The following SLC22A15 variants were observed in gnomAD, a reference collection of about 807,000 sequenced individuals.
SLC22A15 encodes solute carrier family 22 member 15, also known as flipt 1.
In SLC22A15, 45 loss-of-function variants were observed where a neutral mutation model predicts 62.7. That is an observed-to-expected ratio of 0.72 (90% confidence interval 0.56 to 0.92). The LOEUF (loss-of-function observed/expected upper bound fraction) is 0.92, where lower values mean the gene tolerates loss of function less well. Among genes scored for constraint, SLC22A15 ranks in the 40% least tolerant of loss-of-function variants. SLC22A15 has a pLI of 0.00. For missense variants in SLC22A15, 622 were observed against 665.6 expected (o/e 0.93, Z 0.72); for synonymous variants, 264 against 267.0 (o/e 0.99, Z 0.11).
At chr1:116,005,109 CTT>C (rs1418718693) in intron 2 of SLC22A15, among the ~76,000 whole-genome samples, 1 of 151,910 alleles carries the variant, frequency 6.6e-6, no homozygotes, top group African/African-American at 2.4e-5. Context: ...TATTACTGAT[CTT>C]TTTAAAGAAT....
chr1:115,992,067 G>T lies in SLC22A15; in HGVS notation c.124G>T (p.Val42Phe), dbSNP rs764679934. Residue 42 changes from valine (V) to phenylalanine (F), a missense_variant, in exon 2 of 12, where the codon GTT (valine) becomes TTT (phenylalanine). Physicochemically the swap from Val to Phe is conservative, Grantham distance 50 (BLOSUM62 -1). Coordinates refer to ENST00000369503, the MANE Select transcript of SLC22A15 (RefSeq NM_018420.3). ...CACGGAGGCCATCCTCATTGCACTG[G>T]TTGGGGCCACGCCATCCTACCACTG... is the stretch of plus-strand genomic sequence containing the variant. ...VATEAILIAL[V>F]GATPSYHWDL... The T allele has an allele frequency of 1.2e-6, 2 of 1,613,912 alleles. No homozygotes were observed. The highest frequency in any genetic ancestry group is 1.7e-6 in the Non-Finnish European group (2 of 1,179,890).
intron 8 of SLC22A15, among the ~76,000 whole-genome samples, chr1:116,058,114 G>A (rs956071704): frequency 1.3e-5 from 2 of 151,006 alleles, no homozygotes; most frequent in East Asian, 1.9e-4. Flanking sequence ...AAAAAAAATA[G>A]TTGGGACTTA....
At chr1:116,044,369 G>A (rs1657873777) in intron 8 of SLC22A15, among the ~76,000 whole-genome samples, 1 of 152,228 alleles carries the variant, frequency 6.6e-6, no homozygotes, top group African/African-American at 2.4e-5. Context: ...GGAGGCCGAG[G>A]CAGGCGGTCA....
In SLC22A15 at chr1:116,041,939, GGTTTGTTT is replaced by G. The variant is rs371828342; in HGVS notation, c.1171+4572_1171+4579del. Among the ~76,000 whole-genome samples, 721 of 151,738 alleles carry G rather than the reference GGTTTGTTT, an allele frequency of 4.8e-3. 7 individuals carry two copies. Among genetic ancestry groups the G allele is most frequent in the African/African-American group, 0.016 (662 of 41,300 alleles). ...GTCAAAGTCATTTTAGGAAAACCCT[GGTTTGTTT>G]GTTTGTTTGTTTGTTTGTTTTGCCA... On this transcript the variant is annotated intron_variant, in intron 8 of 11. Coordinates refer to ENST00000369503, the MANE Select transcript of SLC22A15 (RefSeq NM_018420.3).
chr1:116,045,663 CG>C (rs1657911992), intron 8 of SLC22A15, among the ~76,000 whole-genome samples: 1 of 129,780 alleles, frequency 7.7e-6, no homozygotes, highest in Admixed American at 9.6e-5. Context: ...TGCTTGAACC[CG>C]GGGGGTAGAG....
At chr1:115,982,670 G>A (rs550144755) in intron 1 of SLC22A15, among the ~76,000 whole-genome samples, 1 of 152,218 alleles carries the variant, frequency 6.6e-6, no homozygotes, top group South Asian at 2.1e-4. Context: ...CTTGCCAGTT[G>A]ATTGTTTATC....
chr1:116,016,175 C>T (rs1044382422), intron 2 of SLC22A15, among the ~76,000 whole-genome samples: 21 of 148,190 alleles, frequency 1.4e-4, no homozygotes, highest in African/African-American at 4.5e-4. Context: ...TCTCTGTTCC[C>T]CTCCCCTCCT....
intron 8 of SLC22A15, among the ~76,000 whole-genome samples, chr1:116,046,779 C>A (rs561992178): frequency 1.1e-4 from 16 of 152,204 alleles, no homozygotes; most frequent in Non-Finnish European, 1.8e-4. Context: ...CACATACCCC[C>A]ACTGGAGAAA....
intron 1 of SLC22A15, among the ~76,000 whole-genome samples, chr1:115,987,765 G>GA (rs1166088393): frequency 1.3e-5 from 2 of 151,904 alleles, no homozygotes; most frequent in African/African-American, 4.8e-5. Context: ...TATTTTCTCC[G>GA]AAAAAAGCTC....
chr1:116,064,375 C>G (rs758760218), intron 9 of SLC22A15, 61 bp from the exon 10 acceptor site: 26 of 1,288,328 alleles, frequency 2.0e-5, no homozygotes, highest in Non-Finnish European at 2.5e-5. Context: ...CTGCTGCCCC[C>G]CAAGGGTCTC....
At chr1:116,018,032 T>A (rs1260917273) in intron 2 of SLC22A15, among the ~76,000 whole-genome samples, 1 of 152,216 alleles carries the variant, frequency 6.6e-6, no homozygotes, top group East Asian at 1.9e-4. Context: ...AATTTACCAT[T>A]TTATTCACAT....
chr1:116,023,932 A>T (rs1303671060), intron 4 of SLC22A15, among the ~76,000 whole-genome samples: 1 of 152,232 alleles, frequency 6.6e-6, no homozygotes, highest in African/African-American at 2.4e-5. Flanking sequence ...AAACGTTCTC[A>T]TGACTACAGG....
intron 8 of SLC22A15, among the ~76,000 whole-genome samples, chr1:116,038,497 T>G (rs1200480329): frequency 1.3e-5 from 2 of 152,198 alleles, no homozygotes; most frequent in East Asian, 3.8e-4. Context: ...TGCTCACTAC[T>G]TAGAGTTTAC....
intron 2 of SLC22A15, among the ~76,000 whole-genome samples, chr1:115,992,715 G>A (rs747864215): frequency 1.2e-4 from 18 of 148,834 alleles, no homozygotes; most frequent in South Asian, 2.1e-4. Flanking sequence ...TCTGCCTCCC[G>A]GGTTCAAGCA....
At chr1:116,015,457 A>C (rs952303922) in intron 2 of SLC22A15, among the ~76,000 whole-genome samples, 1 of 152,208 alleles carries the variant, frequency 6.6e-6, no homozygotes, top group Non-Finnish European at 1.5e-5. Context: ...ACTTCTTCCT[A>C]AAATTGCCAC....
At chr1:116,062,268 T>G (rs1054306076) in intron 8 of SLC22A15, among the ~76,000 whole-genome samples, 21 of 152,304 alleles carry the variant, frequency 1.4e-4, no homozygotes, top group African/African-American at 4.3e-4. Flanking sequence ...TTGAATGGCA[T>G]TGTTCCTTAC....
At chr1:116,054,676 T>A (rs561721129) in intron 8 of SLC22A15, among the ~76,000 whole-genome samples, 1 of 152,212 alleles carries the variant, frequency 6.6e-6, no homozygotes, top group African/African-American at 2.4e-5. Context: ...CCTCAGCAAA[T>A]GTAAGAGAAC....
chr1:116,021,557 G>A lies in SLC22A15; in HGVS notation c.598+672G>A, dbSNP rs549159532. 7.9e-5 allele frequency among the ~76,000 whole-genome samples: 12 copies of A among 152,296 alleles called. No homozygotes were observed. The South Asian group carries it at 2.5e-3, about 32-fold the overall frequency. ...TACTTTCATTCACTTGACAATGGTTGAATGTTTCCCATGGATGTTCTTATA... is the reference window on the plus strand; with the variant it reads ...TACTTTCATTCACTTGACAATGGTTAAATGTTTCCCATGGATGTTCTTATA... On this transcript the variant is annotated intron_variant, in intron 4 of 11. Transcript: ENST00000369503.
chr1:116,059,510 G>A (rs979127060), intron 8 of SLC22A15, among the ~76,000 whole-genome samples: 8 of 152,158 alleles, frequency 5.3e-5, no homozygotes, highest in Non-Finnish European at 7.4e-5. Context: ...ATGTCCTACT[G>A]TGCTGAGTGA....
Sources: gnomAD v4.1 joint callset for allele counts (sites outside exome capture counted in the v4.1 genomes callset) on GRCh38, gnomAD v4.1.1 for gene constraint, MANE v1.5 for transcripts, NCBI Gene and HGNC (gene_info 2026-07-23, HGNC 2026-07-21) for gene names.